SBK1: variants seen among roughly 807,000 people sequenced by gnomAD.
SBK1 encodes serine/threonine-protein kinase SBK1.
SBK1 carries 11 observed loss-of-function variants against 24.4 expected under a neutral mutation model. The ratio of observed to expected loss-of-function variants is 0.45; its 90% CI spans 0.28 to 0.75. SBK1 has a LOEUF of 0.75. Among genes scored for constraint, SBK1 ranks in the 30% least tolerant of loss-of-function variants. The pLI is 0.12. For missense variants in SBK1, 467 were observed against 620.5 expected (o/e 0.75, Z 2.63); for synonymous variants, 308 against 284.4 (o/e 1.08, Z -0.83).
rs1357671188 is a variant in SBK1 at position 28,262,997 on chromosome 16, G to C, written c.257+3495G>C. 2.0e-5 allele frequency among the ~76,000 whole-genome samples: 3 copies of C among 152,140 alleles called. No individual in the cohort carries two copies. The East Asian group carries it at 5.8e-4, about 29-fold the overall frequency. ...CTGCTGGATCTTCTGCATCCAGCTT[G>C]CAGATGAAGAACAAGAGTGGAAACC... On this transcript the variant is annotated intron_variant, in intron 1 of 3. Transcript: ENST00000671413.
Position 28,322,545 on chromosome 16 carries a change from T to G in SBK1, c.*1624T>G, listed in dbSNP as rs2141594904. On this transcript the variant is annotated 3_prime_UTR_variant, in exon 4 of 4. Coordinates refer to ENST00000341901, the MANE Select transcript of SBK1 (RefSeq NM_001024401.3). ...CCCCAACCTCTCCACTCCCCACTCATTCCCACCTTGAAAAAGGGCTATAGG... is the reference window on the plus strand; with the variant it reads ...CCCCAACCTCTCCACTCCCCACTCAGTCCCACCTTGAAAAAGGGCTATAGG... The G allele has an allele frequency of 6.5e-6, 1 of 152,858 alleles. No homozygotes were observed. Among genetic ancestry groups the G allele is most frequent in the Non-Finnish European group, 1.5e-5 (1 of 68,096 alleles). The allele number at this position is 152,858 out of a possible 1,614,324, so 9.5% of individuals were successfully genotyped here.
At chr16:28,279,207 CAAAA>C (rs34028427) in intron 1 of SBK1, among the ~76,000 whole-genome samples, 3 of 115,216 alleles carry the variant, frequency 2.6e-5, no homozygotes, top group Admixed American at 9.4e-5. Context: ...GAGACTCTGT[CAAAA>C]AAAAAAAAAA....
rs934486598 is a variant in SBK1, at chr16:28,317,186, G to T, written c.-7-199G>T. Among the ~76,000 whole-genome samples the T allele has an allele frequency of 6.6e-6, 1 of 152,102 alleles. No individual in the cohort carries two copies. Among genetic ancestry groups the T allele is most frequent in the Non-Finnish European group, 1.5e-5 (1 of 68,002 alleles). The stretch of plus-strand genomic sequence containing the variant: ...CAGGGTCTGGCAGTGACTGGTCTTC[G>T]GGGAGCTGACTCAGGCCTGGCCCCT... On this transcript the variant is annotated intron_variant, in intron 1 of 3. Coordinates refer to ENST00000341901, the MANE Select transcript of SBK1 (RefSeq NM_001024401.3). This position sits in a 1 kb window ranked among gnomAD's most constrained non-coding sequence, Gnocchi z 4.2.
At chr16:28,270,529 G>C (rs1567670016) in intron 1 of SBK1, among the ~76,000 whole-genome samples, 2 of 151,784 alleles carry the variant, frequency 1.3e-5, no homozygotes, top group Admixed American at 6.6e-5. Context: ...GAGCCCAAAT[G>C]ATCCTCCTAT....
In SBK1 at chr16:28,319,287, A is replaced by G; in HGVS notation, c.429+90A>G. The stretch of plus-strand genomic sequence containing the variant: ...GTGGAGTCAGACCATTTAATTAACA[A>G]GTATTTACTGGGTGCCTGCTGTATG... On this transcript the variant is annotated intron_variant, in intron 3 of 3. Coordinates refer to ENST00000341901, the MANE Select transcript of SBK1 (RefSeq NM_001024401.3). The surrounding 1 kb of genome is among the most constrained non-coding windows in gnomAD (Gnocchi z 4.0). 1.0e-6 allele frequency: 1 copy of G among 981,878 alleles called. No homozygotes were observed. The highest frequency in any genetic ancestry group is 1.6e-6 in the Non-Finnish European group (1 of 628,514). The allele number at this position is 981,878 out of a possible 1,614,324, so 60.8% of individuals were successfully genotyped here.
At chr16:28,273,744 A>G (rs549942123) in intron 1 of SBK1, among the ~76,000 whole-genome samples, 1 of 152,246 alleles carries the variant, frequency 6.6e-6, no homozygotes, top group South Asian at 2.1e-4. Context: ...CCACTTGTCT[A>G]TTCTTGTTTT....
intron 1 of SBK1, among the ~76,000 whole-genome samples, chr16:28,272,810 T>C (rs1349561502): frequency 7.3e-5 from 11 of 151,588 alleles, no homozygotes; most frequent in African/African-American, 2.7e-4. Flanking sequence ...TTAGTAGAGA[T>C]AGGGTTTCAC....
intron 1 of SBK1, among the ~76,000 whole-genome samples, chr16:28,261,233 T>C (rs1567667890): frequency 6.6e-6 from 1 of 152,106 alleles, no homozygotes; most frequent in Non-Finnish European, 1.5e-5. Context: ...CCCGTGTTCA[T>C]AGTGAACACT....
Position 28,320,850 on chromosome 16 carries a change from C to G in SBK1, c.1204C>G (p.Arg402Gly). Residue 402 changes from arginine to glycine, a missense_variant, in exon 4 of 4, where the codon CGG becomes GGG. This residue lies in a region of SBK1 where 166 missense variants were observed against 146.8 expected (regional missense o/e 1.13). Transcript: ENST00000341901. This position sits in a 1 kb window ranked among gnomAD's most constrained non-coding sequence, Gnocchi z 8.5. ...PGLAPQGPPGRTDGRADKSKG... is the reference protein window; with the variant it reads ...PGLAPQGPPGGTDGRADKSKG... ...CCTAGCTCCCCAGGGGCCCCCCGGC[C>G]GGACCGACGGCCGCGCGGACAAGAG... is the stretch of plus-strand genomic sequence containing the variant. The G allele has an allele frequency of 6.8e-7, 1 of 1,479,998 alleles. No homozygotes were observed. Among genetic ancestry groups the G allele is most frequent in the Non-Finnish European group, 8.9e-7 (1 of 1,117,762 alleles). The allele number at this position is 1,479,998 out of a possible 1,614,324, so 91.7% of individuals were successfully genotyped here.
intron 1 of SBK1, among the ~76,000 whole-genome samples, chr16:28,309,735 A>T (rs548654205): frequency 2.4e-4 from 36 of 152,212 alleles, no homozygotes; most frequent in Non-Finnish European, 3.5e-4. Context: ...TTTATTTTTT[A>T]AAAAAATAAA....
At position 28,321,108 on chromosome 16, in the gene SBK1, C is replaced by G. The variant is rs1227069064; in HGVS notation, c.*187C>G. On this transcript the variant is annotated 3_prime_UTR_variant, in exon 4 of 4. Coordinates refer to ENST00000341901, the MANE Select transcript of SBK1 (RefSeq NM_001024401.3). The stretch of plus-strand genomic sequence containing the variant: ...TGAGGGGGCCACCAAAGACCCCTAG[C>G]GCGGCCTGGTGAGCGGGGGCTTGGC... The G allele has an allele frequency of 6.2e-6, 3 of 486,356 alleles. No individual in the cohort carries two copies. The highest frequency in any genetic ancestry group is 2.1e-5 in the African/African-American group (1 of 46,978). 30.1% of individuals were successfully genotyped at this position (486,356 alleles called of 1,614,324 possible). A position where few individuals can be genotyped will look rare whatever the true frequency, so the allele number is the denominator to read the frequency against.
chr16:28,276,285 G>C (rs2044493496), intron 1 of SBK1, among the ~76,000 whole-genome samples: 1 of 152,154 alleles, frequency 6.6e-6, no homozygotes, highest in Non-Finnish European at 1.5e-5. Context: ...GCCTCACCAA[G>C]ACCCCTAGGA....
At chr16:28,270,443 A>ATTATT (rs2044458126) in intron 1 of SBK1, among the ~76,000 whole-genome samples, 1 of 151,250 alleles carries the variant, frequency 6.6e-6, no homozygotes, top group Non-Finnish European at 1.5e-5. Flanking sequence ...TATTATTACT[A>ATTATT]AAGACAGGGT....
Position 28,271,866 on chromosome 16 carries a change from C to T in SBK1, c.257+12364C>T, listed in dbSNP as rs567218674. ...AAGAAATTTAAAATGAAAATTTCTG[C>T]CCTGCAAAAGACTCTGCCAAGAGAA... On this transcript the variant is annotated intron_variant, in intron 1 of 3. Transcript: ENST00000671413. Among the ~76,000 whole-genome samples the T allele has an allele frequency of 3.3e-5, 5 of 152,228 alleles. No individual in the cohort carries two copies. The South Asian group carries it at 6.2e-4, about 19-fold the overall frequency.
chr16:28,313,528 A>G (rs1435530660), intron 1 of SBK1, among the ~76,000 whole-genome samples: 6 of 150,796 alleles, frequency 4.0e-5, no homozygotes, highest in African/African-American at 1.5e-4. Context: ...AGTCCGGGAT[A>G]CAGAAGTTGC....
At chr16:28,269,980 G>A (rs2044454438) in intron 1 of SBK1, among the ~76,000 whole-genome samples, 1 of 152,176 alleles carries the variant, frequency 6.6e-6, no homozygotes, top group Non-Finnish European at 1.5e-5. Context: ...CTCCAAAATT[G>A]TATAGAGTAT....
chr16:28,262,169 T>TG (rs1256443154), intron 1 of SBK1, among the ~76,000 whole-genome samples: 24 of 151,924 alleles, frequency 1.6e-4, no homozygotes, highest in African/African-American at 5.6e-4. Flanking sequence ...GGAGGGGCAG[T>TG]GGGGCAATGA....
At chr16:28,283,450 G>T (rs1018233643) in intron 1 of SBK1, among the ~76,000 whole-genome samples, 2 of 152,142 alleles carry the variant, frequency 1.3e-5, no homozygotes, top group African/African-American at 4.8e-5. Context: ...CCTCTGAGGG[G>T]TTCTTCCTGC....
chr16:28,281,542 G>T (rs1331358330), intron 1 of SBK1, among the ~76,000 whole-genome samples: 1 of 152,194 alleles, frequency 6.6e-6, no homozygotes, highest in Non-Finnish European at 1.5e-5. Context: ...GGAGGAAGAG[G>T]TAAGGCTGGC....
Sources: gnomAD v4.1 joint callset for allele counts (sites outside exome capture counted in the v4.1 genomes callset) on GRCh38, gnomAD v4.1.1 for gene constraint, gnomAD v4.1.1 regional missense constraint, Gnocchi (gnomAD v3.1) non-coding constraint, MANE v1.5 for transcripts, NCBI Gene and HGNC (gene_info 2026-07-23, HGNC 2026-07-21) for gene names.